RIMS1: variants seen among roughly 807,000 people sequenced by gnomAD.
RIMS1 encodes regulating synaptic membrane exocytosis 1.
In RIMS1, 83 loss-of-function variants were observed where a neutral mutation model predicts 214.1. That is an observed-to-expected ratio of 0.39 (90% CI 0.32 to 0.47). RIMS1 has a LOEUF of 0.47. Among genes scored for constraint, RIMS1 ranks in the 20% least tolerant of loss-of-function variants. The pLI is 0.99. For missense variants in RIMS1, 2,050 were observed against 2,161.8 expected (o/e 0.95, Z 1.03); for synonymous variants, 793 against 786.8 (o/e 1.01, Z -0.13).
chr6:72,062,393 C>T (rs141535232), intron 2 of RIMS1, among the ~76,000 whole-genome samples: 25 of 152,188 alleles, frequency 1.6e-4, no homozygotes, highest in Admixed American at 8.5e-4. Flanking sequence ...CCCTGTCTCA[C>T]TTCCTTTCCA....
chr6:72,254,439 T>G (rs1313254077), intron 16 of RIMS1, among the ~76,000 whole-genome samples: 1 of 152,206 alleles, frequency 6.6e-6, no homozygotes, highest in Non-Finnish European at 1.5e-5. Context: ...AAAGTGATTA[T>G]AAATTTAAAT....
intron 6 of RIMS1, among the ~76,000 whole-genome samples, chr6:72,221,054 C>A (rs1368977482): frequency 6.6e-6 from 1 of 152,002 alleles, no homozygotes; most frequent in East Asian, 1.9e-4. Flanking sequence ...TGGTTTGTAA[C>A]AAGAATAGTC....
intron 6 of RIMS1, among the ~76,000 whole-genome samples, chr6:72,229,257 A>G (rs2061230067): frequency 2.7e-5 from 2 of 73,054 alleles, no homozygotes; most frequent in South Asian, 8.9e-4. Flanking sequence ...AATTTAGAAT[A>G]AAATTAACAG....
chr6:72,181,315 T>A (rs1588654982), intron 5 of RIMS1, among the ~76,000 whole-genome samples: 1 of 152,148 alleles, frequency 6.6e-6, no homozygotes, highest in Non-Finnish European at 1.5e-5. Context: ...GTTACTAAGC[T>A]ATTTGGAGAA....
chr6:72,203,499 G>A (rs1017591172), intron 6 of RIMS1, among the ~76,000 whole-genome samples: 1 of 152,148 alleles, frequency 6.6e-6, no homozygotes, highest in African/African-American at 2.4e-5. Context: ...TTATAGACCT[G>A]TAGAGAGAAA....
chr6:72,363,080 C>T (rs985868117), intron 29 of RIMS1, among the ~76,000 whole-genome samples: 13 of 151,998 alleles, frequency 8.6e-5, no homozygotes, highest in African/African-American at 2.4e-4. Flanking sequence ...GTGTCCTACA[C>T]GGGGACTTAA....
At chr6:72,210,959 C>G (rs2053703660) in intron 6 of RIMS1, among the ~76,000 whole-genome samples, 1 of 152,024 alleles carries the variant, frequency 6.6e-6, no homozygotes, top group South Asian at 2.1e-4. Context: ...TATGCAAGGC[C>G]GACTGTCCCT....
intron 4 of RIMS1, among the ~76,000 whole-genome samples, chr6:72,148,267 A>G (rs1418882892): frequency 6.6e-6 from 1 of 152,188 alleles, no homozygotes; most frequent in Non-Finnish European, 1.5e-5. Flanking sequence ...CAATGATTCA[A>G]GATGCACTCA....
At chr6:72,226,987 A>G (rs1016864707) in intron 6 of RIMS1, among the ~76,000 whole-genome samples, 2 of 152,030 alleles carry the variant, frequency 1.3e-5, no homozygotes, top group African/African-American at 4.8e-5. Context: ...TTATTTTGTA[A>G]AAGAGGACAA....
At chr6:72,264,362 C>A (rs1406490238) in intron 19 of RIMS1, among the ~76,000 whole-genome samples, 1 of 152,142 alleles carries the variant, frequency 6.6e-6, no homozygotes, top group Non-Finnish European at 1.5e-5. Context: ...TGGTTTGCAT[C>A]TAATGCCTAT....
intron 2 of RIMS1, among the ~76,000 whole-genome samples, chr6:71,980,492 A>G (rs931762279): frequency 3.3e-5 from 5 of 152,132 alleles, no homozygotes; most frequent in Admixed American, 2.6e-4. Context: ...TATTTGGCCA[A>G]TGAGTTGGAG....
At chr6:72,365,524 G>A (rs949565535) in intron 29 of RIMS1, among the ~76,000 whole-genome samples, 1 of 152,166 alleles carries the variant, frequency 6.6e-6, no homozygotes, top group African/African-American at 2.4e-5. Flanking sequence ...AGTTTAACTT[G>A]TATTGCTCTA....
At chr6:72,115,735 T>C (rs373333763) in intron 4 of RIMS1, among the ~76,000 whole-genome samples, 68 of 152,040 alleles carry the variant, frequency 4.5e-4, no homozygotes, top group African/African-American at 1.6e-3. Flanking sequence ...ATTTAATGTA[T>C]GGTATATATG....
intron 29 of RIMS1, among the ~76,000 whole-genome samples, chr6:72,343,039 G>A (rs1158557359): frequency 6.6e-6 from 1 of 151,806 alleles, no homozygotes; most frequent in African/African-American, 2.4e-5. Context: ...ATCCTGCTGA[G>A]CAGCACTTAT....
At chr6:72,049,262 T>A (rs997414701) in intron 2 of RIMS1, among the ~76,000 whole-genome samples, 1 of 152,092 alleles carries the variant, frequency 6.6e-6, no homozygotes. Context: ...AAACAAGTTT[T>A]TTTTTTTCCT....
Position 72,182,863 on chromosome 6 carries a change from C to G in RIMS1, c.1392C>G (p.Leu464=), listed in dbSNP as rs2048558535. 1.3e-6 allele frequency: 2 copies of G among 1,559,476 alleles called. No individual in the cohort carries two copies. Among genetic ancestry groups the G allele is most frequent in the Non-Finnish European group, 8.7e-7 (1 of 1,154,068 alleles). ...CGGTTCCCGCAGAAGCCCCGGAGCT[C>G]AAAGCCCAGGAGCCCCTCAGGAAGC... ...HGPVPAEAPE[L]KAQEPLRKQS... Residue 464 remains leucine (L), a synonymous_variant, in exon 6 of 34, where the codon CTC becomes CTG. Transcript: ENST00000521978.
chr6:72,092,546 A>G (rs75127471), intron 2 of RIMS1, among the ~76,000 whole-genome samples: 55 of 152,286 alleles, frequency 3.6e-4, no homozygotes, highest in African/African-American at 1.3e-3. Flanking sequence ...CGTCTATACC[A>G]GTAGTTTAAA....
intron 2 of RIMS1, among the ~76,000 whole-genome samples, chr6:72,084,529 C>T (rs1260069924): frequency 1.3e-5 from 2 of 152,082 alleles, no homozygotes; most frequent in African/African-American, 2.4e-5. Context: ...AACAGTATTT[C>T]TAGGACCCAA....
intron 1 of RIMS1, among the ~76,000 whole-genome samples, chr6:71,933,682 T>TCACACACACACACACA (rs10642216): frequency 5.0e-5 from 7 of 139,212 alleles, no homozygotes; most frequent in South Asian, 2.5e-4. Context: ...TCTTCCTCAA[T>TCACACACACACACACA]CACACACACA....
Sources: gnomAD v4.1 joint callset for allele counts (sites outside exome capture counted in the v4.1 genomes callset) on GRCh38, gnomAD v4.1.1 for gene constraint, MANE v1.5 for transcripts, NCBI Gene and HGNC (gene_info 2026-07-23, HGNC 2026-07-21) for gene names.